Variants in NBEA observed in about 807,000 individuals in gnomAD.
NBEA encodes lysosomal-trafficking regulator 2.
Under a neutral mutation model 343.4 loss-of-function variants are expected in NBEA, and 44 were observed. The ratio of observed to expected loss-of-function variants is 0.13; its 90% CI spans 0.10 to 0.16. The LOEUF is 0.16. Among genes scored for constraint, NBEA ranks in the 10% least tolerant of loss-of-function variants. The pLI is 1.00. For synonymous variants in NBEA, 1,175 were observed against 1,238.7 expected, an observed-to-expected ratio of 0.95 and a Z score of 1.08; for missense variants, 2,555 against 3,631.3, an observed-to-expected ratio of 0.70 and a Z score of 7.62.
At chr13:35,108,580 G>C (rs1224496292) in intron 11 of NBEA, among the ~76,000 whole-genome samples, 1 of 151,908 alleles carries the variant, frequency 6.6e-6, no homozygotes, top group African/African-American at 2.4e-5. Flanking sequence ...TTCTGAGCTG[G>C]AAAAACCCAG....
In NBEA at chr13:35,520,634, CTT is replaced by C. The variant is rs1264243576; in HGVS notation, c.6586-29838_6586-29837del. On this transcript the variant is annotated intron_variant, in intron 41 of 58. Coordinates refer to ENST00000379939, the MANE Select transcript of NBEA (RefSeq NM_001385012.1). Reference sequence around the variant, plus strand: ...ACCAAGTGACCAGTGATCTCTCTCTCTTTTTTCCAACTAGCTTCAGGAATTGA... The same window carrying C: ...ACCAAGTGACCAGTGATCTCTCTCTCTTTTCCAACTAGCTTCAGGAATTGA... 6.6e-5 allele frequency among the ~76,000 whole-genome samples: 10 copies of C among 152,242 alleles called. No homozygotes were observed. In the East Asian group the frequency reaches 1.9e-3, roughly 29 times the overall value.
chr13:35,155,132 TAAA>T (rs753159286), intron 18 of NBEA, among the ~76,000 whole-genome samples: 6 of 61,888 alleles, frequency 9.7e-5, no homozygotes, highest in East Asian at 5.3e-4. Flanking sequence ...ATTCTGTCTC[TAAA>T]AAAAAAAAAA....
intron 41 of NBEA, among the ~76,000 whole-genome samples, chr13:35,482,517 G>A (rs1049747916): frequency 1.3e-5 from 2 of 150,952 alleles, no homozygotes; most frequent in East Asian, 3.9e-4. Context: ...CTAATGAATA[G>A]TTAATACTTT....
rs182585504 is a variant in NBEA at position 35,120,730 on chromosome 13, A to C, written c.2243+2256A>C. ...AAGCAGCTAAAAATTTGATGTTTTT[A>C]TATCTGGGAAATTTCAAAGAAAGGA... On this transcript the variant is annotated intron_variant, in intron 16 of 58. Coordinates refer to ENST00000379939, the MANE Select transcript of NBEA (RefSeq NM_001385012.1). 1.9e-4 allele frequency among the ~76,000 whole-genome samples: 24 copies of C among 129,502 alleles called. 1 individual carries two copies. Among genetic ancestry groups the C allele is most frequent in the African/African-American group, 9.3e-4 (23 of 24,814 alleles). 85.0% of individuals were successfully genotyped at this position (129,502 alleles called of 152,430 possible).
rs137979569 is a variant in NBEA, at chr13:35,530,131, G to A, written c.6586-20346G>A. On this transcript the variant is annotated intron_variant, in intron 41 of 58. Transcript: ENST00000379939. ...CATTTACACTTGGTTGCATTAATAT[G>A]AAGTAACATGGATTGCGTGTGTTAG... Among the ~76,000 whole-genome samples the A allele has an allele frequency of 3.3e-5, 5 of 152,292 alleles. No individual in the cohort carries two copies. In the East Asian group the frequency reaches 9.7e-4, roughly 29 times the overall value.
chr13:35,146,474 G>C (rs1174688823), intron 18 of NBEA, among the ~76,000 whole-genome samples: 4 of 152,086 alleles, frequency 2.6e-5, no homozygotes, highest in Non-Finnish European at 5.9e-5. Context: ...CAGGAACGTT[G>C]GGTCCCTTCA....
intron 6 of NBEA, among the ~76,000 whole-genome samples, chr13:35,052,884 T>C (rs1281354842): frequency 6.6e-6 from 1 of 152,056 alleles, no homozygotes; most frequent in East Asian, 1.9e-4. Context: ...ATCTGATTAA[T>C]TTTTCTGTAT....
rs182518188 is a variant in NBEA, at chr13:35,159,405, G to A, written c.3234G>A (p.Pro1078=). The A allele has an allele frequency of 7.4e-4, 1,198 of 1,613,292 alleles. No homozygotes were observed. The highest frequency in any genetic ancestry group is 9.4e-4 in the Non-Finnish European group (1,110 of 1,179,610). The change falls in exon 22 of 59, where the codon CCG becomes CCA. Residue 1078 remains proline, a synonymous_variant. Transcript: ENST00000379939. ...EVKLDDMDLS[P]ETLVGGENGA... ...AGCTCGATGATATGGATTTATCACC[G>A]GAGACTTTAGTAGGTGGAGAGAATG...
Position 35,159,344 on chromosome 13 carries a change from A to C in NBEA, c.3173A>C (p.Asp1058Ala), listed in dbSNP as rs2152710789. Residue 1058 changes from aspartate to alanine, a missense_variant, in exon 22 of 59, where the codon GAT (aspartate) becomes GCT (alanine). By Grantham distance (126) the Asp-to-Ala change is moderately radical (BLOSUM62 -2). This residue lies in a region of NBEA where 367 missense variants were observed against 377.5 expected (regional missense o/e 0.97). Transcript: ENST00000379939. The part of the protein sequence containing the change: ...VHVEVHDLLV[D>A]IKAEKVEATE... ...GTGGAAGTACATGATCTTTTAGTAGATATAAAAGCAGAGAAAGTGGAAGCA... is the reference window on the plus strand; with the variant it reads ...GTGGAAGTACATGATCTTTTAGTAGCTATAAAAGCAGAGAAAGTGGAAGCA... The C allele has an allele frequency of 6.2e-7, 1 of 1,613,526 alleles. No homozygotes were observed. Among genetic ancestry groups the C allele is most frequent in the Admixed American group, 1.7e-5 (1 of 59,922 alleles).
At chr13:35,044,888 TA>T in intron 2 of NBEA, 58 bp from the exon 3 acceptor site, 1 of 1,326,658 alleles carries the variant, frequency 7.5e-7, no homozygotes, top group South Asian at 1.3e-5. Context: ...AAAAGTATAT[TA>T]CCTTGACAGA....
intron 41 of NBEA, among the ~76,000 whole-genome samples, chr13:35,510,906 C>A (rs2077250033): frequency 6.6e-6 from 1 of 152,168 alleles, no homozygotes; most frequent in Non-Finnish European, 1.5e-5. Flanking sequence ...CTTGCCACCA[C>A]ACATCATGCC....
intron 8 of NBEA, among the ~76,000 whole-genome samples, chr13:35,068,522 A>C (rs545421009): frequency 3.3e-3 from 500 of 152,254 alleles, no homozygotes; most frequent in Non-Finnish European, 5.3e-3. Context: ...GAATGCAGGT[A>C]TGCTGAGTTC....
intron 55 of NBEA, among the ~76,000 whole-genome samples, chr13:35,663,154 TG>T (rs1310617102): frequency 6.6e-6 from 1 of 152,218 alleles, no homozygotes; most frequent in Non-Finnish European, 1.5e-5. Flanking sequence ...TATTTTGAAA[TG>T]TACAATAAAT....
In NBEA at chr13:35,629,732, A is replaced by T. The variant is rs976370202; in HGVS notation, c.7617+1484A>T. ...GTTGTGTATAAATTGTAATCAGATT[A>T]TTTGGTAGGAGATAATTCTGAGCTT... On this transcript the variant is annotated intron_variant, in intron 49 of 58. Transcript: ENST00000379939. Among the ~76,000 whole-genome samples the T allele has an allele frequency of 2.0e-5, 3 of 152,224 alleles. No individual in the cohort carries two copies. In the South Asian group the frequency reaches 6.2e-4, roughly 31 times the overall value.
intron 34 of NBEA, among the ~76,000 whole-genome samples, chr13:35,259,396 G>C (rs2032996756): frequency 6.6e-6 from 1 of 151,968 alleles, no homozygotes; most frequent in African/African-American, 2.4e-5. Flanking sequence ...CATAATTTCT[G>C]CCTAACTAGC....
rs150824023 is a variant in NBEA at position 35,290,978 on chromosome 13, A to T, written c.5838+528A>T. 3.0e-3 allele frequency among the ~76,000 whole-genome samples: 451 copies of T among 151,884 alleles called. 1 individual carries two copies. The highest frequency in any genetic ancestry group is 0.01 in the African/African-American group (419 of 41,526). ...TCTACTTGAGCTGTTTGTCTTTAAT[A>T]ATCAGAATCAAAGATAAATGATAAT... On this transcript the variant is annotated intron_variant, in intron 35 of 58. Coordinates refer to ENST00000379939, the MANE Select transcript of NBEA (RefSeq NM_001385012.1).
intron 39 of NBEA, among the ~76,000 whole-genome samples, chr13:35,442,780 A>T (rs117391635): frequency 0.03 from 4,546 of 152,234 alleles, 106 homozygotes; most frequent in Non-Finnish European, 0.045. Flanking sequence ...GAATTGCATG[A>T]CTTTGAAAAT....
intron 47 of NBEA, among the ~76,000 whole-genome samples, chr13:35,605,319 A>C (rs1174306934): frequency 6.6e-6 from 1 of 152,198 alleles, no homozygotes; most frequent in Non-Finnish European, 1.5e-5. Context: ...ATGCCCACTT[A>C]AAACAGATAT....
intron 38 of NBEA, among the ~76,000 whole-genome samples, chr13:35,407,221 T>TC (rs577955122): frequency 5.9e-4 from 90 of 152,042 alleles, no homozygotes; most frequent in African/African-American, 2.1e-3. Context: ...TGCCTCAGCC[T>TC]CCCAAAGTGC....
Sources: allele counts gnomAD v4.1 joint callset (sites outside exome capture counted in the v4.1 genomes callset), GRCh38; gene constraint gnomAD v4.1.1; regional missense constraint gnomAD v4.1.1; transcripts MANE v1.5; gene names NCBI Gene and HGNC (gene_info 2026-07-23, HGNC 2026-07-21).